NFATC1: variants seen among roughly 807,000 people sequenced by gnomAD.
NFATC1 encodes nuclear factor of activated T cells 1, also known as nuclear factor of activated T-cells, cytoplasmic 1.
A neutral mutation model predicts 76.0 loss-of-function variants in NFATC1; 22 were observed. The observed-to-expected ratio is 0.29, with a 90% CI of 0.21 to 0.41. The LOEUF is 0.41. Among genes scored for constraint, NFATC1 ranks in the 10% least tolerant of loss-of-function variants. The pLI is 1.00. For synonymous variants in NFATC1, 704 were observed against 613.1 expected, an observed-to-expected ratio of 1.15 and a Z score of -2.19; for missense variants, 1,357 against 1,337.7, an observed-to-expected ratio of 1.01 and a Z score of -0.23.
At chr18:79,400,161 C>T (rs1268777232) in intron 1 of NFATC1, 4 of 1,074,228 alleles carry the variant, frequency 3.7e-6, no homozygotes, top group African/African-American at 3.4e-5. Flanking sequence ...GGGGGGGACA[C>T]GAGTTTATTT....
At chr18:79,404,115 T>A (rs2085355787) in intron 1 of NFATC1, among the ~76,000 whole-genome samples, 1 of 152,228 alleles carries the variant, frequency 6.6e-6, no homozygotes, top group Non-Finnish European at 1.5e-5. Context: ...TTTAATTCCT[T>A]GAAAACAGAA....
chr18:79,478,612 G>C (rs572808907), intron 8 of NFATC1, among the ~76,000 whole-genome samples: 1 of 152,206 alleles, frequency 6.6e-6, no homozygotes, highest in Non-Finnish European at 1.5e-5. Flanking sequence ...GGATTGTGCC[G>C]AATGCTCTTT....
At position 79,439,001 on chromosome 18, in the gene NFATC1, C is replaced by T. The variant is rs1002189214; in HGVS notation, c.1386+5263C>T. Among the ~76,000 whole-genome samples the T allele has an allele frequency of 7.9e-5, 12 of 152,308 alleles. No homozygotes were observed. In the East Asian group the frequency reaches 9.7e-4, roughly 12 times the overall value. The stretch of plus-strand genomic sequence containing the variant: ...CTTCTTTTCCGGTTGTTAAAATGCG[C>T]GTCGGGCCAGTGGTTCTGACTAATT... On this transcript the variant is annotated intron_variant, in intron 3 of 9. Coordinates refer to ENST00000427363, the MANE Select transcript of NFATC1 (RefSeq NM_001278669.2).
intron 2 of NFATC1, chr18:79,422,788 G>A (rs1450375529): frequency 6.6e-6 from 1 of 152,252 alleles, no homozygotes; most frequent in South Asian, 2.1e-4. Context: ...GCCATGGAAG[G>A]TGCTTTCTCC....
rs2088460075 is a variant in NFATC1 at position 79,465,801 on chromosome 18, G to A, written c.1960-1649G>A. ...GCGTCTCTTTATCCCCCGTACAAATGCCGAGACAGGCTCCGGGTGGCCAGA... is the reference window on the plus strand; with the variant it reads ...GCGTCTCTTTATCCCCCGTACAAATACCGAGACAGGCTCCGGGTGGCCAGA... On this transcript the variant is annotated intron_variant, in intron 7 of 9. Coordinates refer to ENST00000427363, the MANE Select transcript of NFATC1 (RefSeq NM_001278669.2). This position sits in a 1 kb window ranked among gnomAD's most constrained non-coding sequence, Gnocchi z 4.2. 6.6e-6 allele frequency among the ~76,000 whole-genome samples: 1 copy of A among 152,192 alleles called. No individual in the cohort carries two copies. The highest frequency in any genetic ancestry group is 1.5e-5 in the Non-Finnish European group (1 of 68,040).
chr18:79,462,858 G>GTCCCTGCGGGTCGGGGGGTCTTGTGCACC (rs1568992043), intron 7 of NFATC1, among the ~76,000 whole-genome samples: 1 of 152,072 alleles, frequency 6.6e-6, no homozygotes, highest in African/African-American at 2.4e-5. Context: ...CTCAGTGTGT[G>GTCCCTGCGGGTCGGGGGGTCTTGTGCACC]CAGTTGGAAG....
rs530734310 is a variant in NFATC1, at chr18:79,445,922, A to G, written c.1387-2860A>G. 7.2e-5 allele frequency among the ~76,000 whole-genome samples: 11 copies of G among 152,278 alleles called. No individual in the cohort carries two copies. The East Asian group carries it at 1.7e-3, about 24-fold the overall frequency. On this transcript the variant is annotated intron_variant, in intron 3 of 9. Transcript: ENST00000427363. ...TGGCCTCAATCATCCACTACCCACC[A>G]TGTCACCGTGTAAGTGCTGAGGTCA...
intron 9 of NFATC1, among the ~76,000 whole-genome samples, chr18:79,494,941 A>G (rs112233465): frequency 0.016 from 1,782 of 112,658 alleles, 13 homozygotes; most frequent in Admixed American, 0.029. Context: ...GCCCCCCATC[A>G]ACCTGGTACG....
At chr18:79,409,411 C>T (rs2085576553) in intron 1 of NFATC1, among the ~76,000 whole-genome samples, 1 of 152,052 alleles carries the variant, frequency 6.6e-6, no homozygotes, top group Non-Finnish European at 1.5e-5. Context: ...CCTCGTCCAT[C>T]CATCCATCCA....
intron 2 of NFATC1, among the ~76,000 whole-genome samples, chr18:79,413,998 C>T (rs867192997): frequency 2.6e-5 from 4 of 152,318 alleles, no homozygotes; most frequent in Middle Eastern, 6.8e-3. Flanking sequence ...GTCCCAAACT[C>T]GCTCCTGGGG....
In NFATC1 at chr18:79,409,361, TTCA is replaced by T. The variant is rs2085572755; in HGVS notation, c.128-1039_128-1037del. 4.7e-5 allele frequency among the ~76,000 whole-genome samples: 7 copies of T among 148,816 alleles called. No homozygotes were observed. In the South Asian group the frequency reaches 1.5e-3, roughly 32 times the overall value. ...CCATCCATCCATCCATCCATCATCA[TTCA>T]TCCATCCATCCATCATCCATCCATT... On this transcript the variant is annotated intron_variant, in intron 1 of 9. Transcript: ENST00000427363.
At chr18:79,505,235 G>A (rs2090096665) in intron 9 of NFATC1, among the ~76,000 whole-genome samples, 4 of 31,988 alleles carry the variant, frequency 1.3e-4, no homozygotes, top group African/African-American at 3.0e-4. Context: ...CTGTGTGGGA[G>A]GAGGTGGTGG....
intron 1 of NFATC1, among the ~76,000 whole-genome samples, chr18:79,398,782 G>A (rs151181703): frequency 2.1e-4 from 32 of 152,376 alleles, no homozygotes; most frequent in African/African-American, 7.5e-4. Flanking sequence ...TAAAAACAAT[G>A]TACAGGCCGG....
chr18:79,456,420 CA>C (rs1196289709), intron 6 of NFATC1, among the ~76,000 whole-genome samples: 1 of 152,198 alleles, frequency 6.6e-6, no homozygotes, highest in African/African-American at 2.4e-5. Flanking sequence ...CCTTCAAGGC[CA>C]GGGGGAGGTT....
intron 9 of NFATC1, among the ~76,000 whole-genome samples, chr18:79,505,908 G>C (rs535215166): frequency 1.3e-5 from 2 of 151,984 alleles, no homozygotes; most frequent in African/African-American, 4.8e-5. Flanking sequence ...GCAGGAGACC[G>C]CTTTGTGGGA....
At position 79,396,038 on chromosome 18, in the gene NFATC1, G is replaced by T; in HGVS notation, c.-187G>T. The T allele has an allele frequency of 5.3e-6, 3 of 568,650 alleles. No individual in the cohort carries two copies. The highest frequency in any genetic ancestry group is 7.1e-6 in the Non-Finnish European group (3 of 421,022). 35.2% of individuals were successfully genotyped at this position (568,650 alleles called of 1,614,324 possible). ...CGCGGGCAGGGCTCGGAGCCACCGC[G>T]CAGGTCCTAGGGCCGCGGCCGGGCC... On this transcript the variant is annotated 5_prime_UTR_variant, in exon 1 of 10. Coordinates refer to ENST00000427363, the MANE Select transcript of NFATC1 (RefSeq NM_001278669.2).
chr18:79,396,390 C>G, intron 1 of NFATC1, 39 bp downstream of exon 1: 1 of 1,175,280 alleles, frequency 8.5e-7, no homozygotes. Context: ...ACCCCTGCGC[C>G]CCCCACGGCC....
intron 6 of NFATC1, among the ~76,000 whole-genome samples, chr18:79,458,483 G>T (rs1320418072): frequency 1.3e-5 from 2 of 152,228 alleles, no homozygotes; most frequent in African/African-American, 4.8e-5. Context: ...CCGGCTCCGG[G>T]CGGCGGGTCC....
intron 8 of NFATC1, among the ~76,000 whole-genome samples, chr18:79,483,653 T>C (rs1600881960): frequency 7.3e-6 from 1 of 136,514 alleles, no homozygotes; most frequent in Non-Finnish European, 1.6e-5. Flanking sequence ...GGTCCTGGGG[T>C]GTAATTCCAG....
Sources: gnomAD v4.1 joint callset for allele counts (sites outside exome capture counted in the v4.1 genomes callset) on GRCh38, gnomAD v4.1.1 for gene constraint, Gnocchi (gnomAD v3.1) non-coding constraint, MANE v1.5 for transcripts, NCBI Gene and HGNC (gene_info 2026-07-23, HGNC 2026-07-21) for gene names.